LAMA5: variants seen among roughly 807,000 people sequenced by gnomAD.
LAMA5 encodes the protein laminin subunit alpha 5.
LAMA5 carries 260 observed loss-of-function variants against 433.4 expected under a neutral mutation model. That is an observed-to-expected ratio of 0.60 (90% CI 0.54 to 0.66). The LOEUF is 0.66. LAMA5 is among the 30% of genes least tolerant of loss of function. The pLI is 0.00. For synonymous variants in LAMA5, 2,620 were observed against 2,226.6 expected (o/e 1.18, Z -4.97); for missense variants, 5,378 against 5,258.5 (o/e 1.02, Z -0.70).
chr20:62,328,409 G>T lies in LAMA5; in HGVS notation c.4484C>A (p.Thr1495Lys). Residue 1495 changes from threonine to lysine, a missense_variant, in exon 35 of 80, where the codon ACG becomes AAG. By Grantham distance (78) the Thr-to-Lys change is moderately conservative (BLOSUM62 -1). Transcript: ENST00000252999. ...DCGARLCDEL[T>K]GQCICPPRTI... ...GCGTGGCGGGCAGATGCACTGGCCCGTGAGCTCGTCACAGAGGCGGGCACC... is the reference window on the plus strand; with the variant it reads ...GCGTGGCGGGCAGATGCACTGGCCCTTGAGCTCGTCACAGAGGCGGGCACC... The T allele has an allele frequency of 6.5e-7, 1 of 1,532,840 alleles. No homozygotes were observed. The highest frequency in any genetic ancestry group is 8.8e-7 in the Non-Finnish European group (1 of 1,135,502). The allele number at this position is 1,532,840 out of a possible 1,614,324, so 95.0% of individuals were successfully genotyped here.
Position 62,309,279 on chromosome 20 carries a change from A to G in LAMA5, c.*57T>C, listed in dbSNP as rs1305028919. ...AAATAGACACCTATGAGGCGAGCAC[A>G]AGGGGCGGTGTGAGGCAGCTGCAGG... On this transcript the variant is annotated 3_prime_UTR_variant, in exon 80 of 80. Coordinates refer to ENST00000252999, the MANE Select transcript of LAMA5 (RefSeq NM_005560.6). 5 of 1,557,206 alleles carry G rather than the reference A, an allele frequency of 3.2e-6. No homozygotes were observed. Among genetic ancestry groups the G allele is most frequent in the Non-Finnish European group, 4.3e-6 (5 of 1,153,392 alleles).
Position 62,309,846 on chromosome 20 carries a change from G to A in LAMA5, c.10829-11C>T, listed in dbSNP as rs928155129. 10 of 1,611,410 alleles carry A rather than the reference G, an allele frequency of 6.2e-6. No individual in the cohort carries two copies. Among genetic ancestry groups the A allele is most frequent in the Non-Finnish European group, 7.6e-6 (9 of 1,179,584 alleles). On this transcript the variant is annotated splice_polypyrimidine_tract_variant and intron_variant, in intron 78 of 79. Coordinates refer to ENST00000252999, the MANE Select transcript of LAMA5 (RefSeq NM_005560.6). ...TCCCGCTTTTCATCACTGGGAGAAA[G>A]GGGGACTCCTGAGGCCAGGTGGTCC...
chr20:62,309,432 GC>G lies in LAMA5; in HGVS notation c.10991del (p.Cys3664SerfsTer2). 1 of 1,584,736 alleles carries G rather than the reference GC, an allele frequency of 6.3e-7. No individual in the cohort carries two copies. The highest frequency in any genetic ancestry group is 8.5e-7 in the Non-Finnish European group (1 of 1,174,390). ...ACCGGTTCACCGCCAGCCTCCTCAT[GC>G]AGCCGCAGTAGGCGGGGGGCCAGGG... ...VQPWPPAYCG[C>X]MRRLAVNRSP... On this transcript the variant is annotated frameshift_variant, in exon 80 of 80. Transcript: ENST00000252999. LOFTEE classifies it low-confidence loss of function (END_TRUNC).
Position 62,309,823 on chromosome 20 carries a change from C to T in LAMA5, c.10841G>A (p.Gly3614Glu), listed in dbSNP as rs754840466. The T allele has an allele frequency of 1.2e-6, 2 of 1,611,624 alleles. No individual in the cohort carries two copies. The highest frequency in any genetic ancestry group is 1.7e-4 in the Middle Eastern group (1 of 6,044). The change falls in exon 79 of 80, where the codon GGG (glycine) becomes GAG (glutamate). Residue 3614 changes from glycine (G) to glutamate (E), a missense_variant. Gly to Glu is a moderately conservative substitution (Grantham distance 98, BLOSUM62 -2). Transcript: ENST00000252999. The part of the protein sequence containing the change: ...QWHRLAVMKS[G>E]NVLRLEVDAQ... ...GTCCACCTCCAGCCGGAGCACATTC[C>T]CGCTTTTCATCACTGGGAGAAAGGG...
Position 62,346,203 on chromosome 20 carries a change from T to G in LAMA5, c.1295A>C (p.Glu432Ala), listed in dbSNP as rs748779933. 4 of 1,611,864 alleles carry G rather than the reference T, an allele frequency of 2.5e-6. No individual in the cohort carries two copies. Among genetic ancestry groups the G allele is most frequent in the Non-Finnish European group, 3.4e-6 (4 of 1,179,546 alleles). ...SPHVCRRCNC[E>A]SDFTDGTCED... is the part of the protein sequence containing the mutation. Reference sequence around the variant, plus strand: ...GCAGGTGCCATCCGTGAAGTCGGACTCGCAGTTGCAGCCTGGGCAGGGGCA... The same window carrying G: ...GCAGGTGCCATCCGTGAAGTCGGACGCGCAGTTGCAGCCTGGGCAGGGGCA... Residue 432 changes from glutamate (E) to alanine (A), a missense_variant, in exon 10 of 80, where the codon GAG becomes GCG. Glu to Ala is a moderately radical substitution (Grantham distance 107, BLOSUM62 -1). Transcript: ENST00000252999.
Position 62,327,641 on chromosome 20 carries a change from T to G in LAMA5, c.4826A>C (p.Gln1609Pro), listed in dbSNP as rs1201508853. The change falls in exon 37 of 80, where the codon CAG becomes CCG. Residue 1609 changes from glutamine (Q) to proline (P), a missense_variant. By Grantham distance (76) the Gln-to-Pro change is moderately conservative (BLOSUM62 -1). Coordinates refer to ENST00000252999, the MANE Select transcript of LAMA5 (RefSeq NM_005560.6). ...CAGTGAGAAGGTCCCAAGGCTGCACTGGTCACATTTGGGGCCCTGCACGTT... is the reference window on the plus strand; with the variant it reads ...CAGTGAGAAGGTCCCAAGGCTGCACGGGTCACATTTGGGGCCCTGCACGTT... Reference protein sequence around the residue: ...KENVQGPKCDQCSLGTFSLDA... With the variant: ...KENVQGPKCDPCSLGTFSLDA... 3 of 1,613,156 alleles carry G rather than the reference T, an allele frequency of 1.9e-6. No homozygotes were observed. The highest frequency in any genetic ancestry group is 2.5e-6 in the Non-Finnish European group (3 of 1,179,970).
At position 62,310,067 on chromosome 20, in the gene LAMA5, C is replaced by T. The variant is rs368134645; in HGVS notation, c.10749G>A (p.Ala3583=). The part of the protein sequence containing the change: ...QVTEKQVLLR[A]DDGAGEFSTS... The stretch of plus-strand genomic sequence containing the variant: ...TGGAGAACTCCCCTGCTCCGTCATC[C>T]GCCCGCAGCAGGACCTGGCGGGGTA... Residue 3583 remains alanine (A), a synonymous_variant, in exon 78 of 80, where the codon GCG becomes GCA. Transcript: ENST00000252999. The T allele has an allele frequency of 2.3e-5, 37 of 1,611,216 alleles. No individual in the cohort carries two copies. Among genetic ancestry groups the T allele is most frequent in the South Asian group, 3.3e-5 (3 of 91,050 alleles).
intron 10 of LAMA5, 35 bp downstream of exon 10, chr20:62,346,046 T>G (rs756248533): frequency 6.2e-7 from 1 of 1,610,680 alleles, no homozygotes; most frequent in Non-Finnish European, 8.5e-7. Context: ...CAGCAGGCAG[T>G]GGTGTCTGTT....
At chr20:62,335,326 GC>G (rs947927475) in intron 18 of LAMA5, 57 bp from the exon 19 acceptor site, 5 of 1,581,950 alleles carry the variant, frequency 3.2e-6, no homozygotes, top group African/African-American at 1.4e-5. Flanking sequence ...CCTGGCTCCA[GC>G]CCCCCGAGGA....
At chr20:62,345,616 G>T in intron 11 of LAMA5, 1 of 658,996 alleles carries the variant, frequency 1.5e-6, no homozygotes, top group Non-Finnish European at 2.7e-6. Flanking sequence ...CATGTTGCCT[G>T]GGCTAACTTT....
intron 53 of LAMA5, 74 bp downstream of exon 53, chr20:62,318,380 A>AGGG (rs1695586346): frequency 9.5e-7 from 1 of 1,049,578 alleles, no homozygotes; most frequent in African/African-American, 2.0e-5. Context: ...GGAGGGGAGG[A>AGGG]GCCGGAGAGG....
chr20:62,331,847 T>C (rs973921117), intron 28 of LAMA5, among the ~76,000 whole-genome samples: 1 of 150,710 alleles, frequency 6.6e-6, no homozygotes, highest in Non-Finnish European at 1.5e-5. Flanking sequence ...AGGTCAGGAG[T>C]TTGAGAATAG....
At position 62,333,360 on chromosome 20, in the gene LAMA5, ACGCATGGCC is replaced by A. The variant is rs771055827; in HGVS notation, c.3128+6_3128+14del. 1.0e-5 allele frequency: 16 copies of A among 1,607,258 alleles called. No individual in the cohort carries two copies. The South Asian group carries it at 1.7e-4, about 17-fold the overall frequency. On this transcript the variant is annotated splice_donor_region_variant and intron_variant, in intron 25 of 79. Transcript: ENST00000252999. The stretch of plus-strand genomic sequence containing the variant: ...GAAGCCCCCACCCCGGTCCCACCGC[ACGCATGGCC>A]CTCACTTGTCGCCAGACTGCTGGGC...
chr20:62,312,951 C>T lies in LAMA5; in HGVS notation c.9015G>A (p.Gly3005=), dbSNP rs373378161. ...EGSLVLLYDF[G]AGLKKAVPLQ... ...GTGGGACGGCCTTTTTCAGGCCAGCCCCAAAGTCATACAACAGCACGAGGC... is the reference window on the plus strand; with the variant it reads ...GTGGGACGGCCTTTTTCAGGCCAGCTCCAAAGTCATACAACAGCACGAGGC... The change falls in exon 66 of 80, where the codon GGG becomes GGA. Residue 3005 remains glycine (G), a synonymous_variant. Coordinates refer to ENST00000252999, the MANE Select transcript of LAMA5 (RefSeq NM_005560.6). 25 of 1,583,074 alleles carry T rather than the reference C, an allele frequency of 1.6e-5. No individual in the cohort carries two copies. The highest frequency in any genetic ancestry group is 6.7e-5 in the East Asian group (3 of 44,552).
Position 62,367,139 on chromosome 20 carries a change from C to G in LAMA5, c.107G>C (p.Arg36Pro). The G allele has an allele frequency of 2.4e-6, 3 of 1,269,376 alleles. No homozygotes were observed. The highest frequency in any genetic ancestry group is 5.7e-5 in the South Asian group (2 of 35,136). The allele number at this position is 1,269,376 out of a possible 1,614,324, so 78.6% of individuals were successfully genotyped here. The change falls in exon 1 of 80, where the codon CGG (arginine) becomes CCG (proline). Residue 36 changes from arginine (R) to proline (P), a missense_variant. Arg to Pro is a moderately radical substitution (Grantham distance 103). Coordinates refer to ENST00000252999, the MANE Select transcript of LAMA5 (RefSeq NM_005560.6). Reference protein sequence around the residue: ...GLALLGAARAREEAGGGFSLH... With the variant: ...GLALLGAARAPEEAGGGFSLH... Reference sequence around the variant, plus strand: ...GCTGAAGCCGCCGCCCGCCTCCTCCCGCGCCCGCGCCGCGCCCAGCAGCGC... The same window carrying G: ...GCTGAAGCCGCCGCCCGCCTCCTCCGGCGCCCGCGCCGCGCCCAGCAGCGC...
At chr20:62,330,038 CGGGA>C in intron 31 of LAMA5, 122 bp from the exon 32 acceptor site, 1 of 1,375,128 alleles carries the variant, frequency 7.3e-7, no homozygotes, top group South Asian at 1.5e-5. Context: ...GCCACAGGCA[CGGGA>C]CGTGCCCAAG....
Position 62,328,936 on chromosome 20 carries a change from G to A in LAMA5, c.4355C>T (p.Pro1452Leu). 2 of 1,611,392 alleles carry A rather than the reference G, an allele frequency of 1.2e-6. No homozygotes were observed. Among genetic ancestry groups the A allele is most frequent in the South Asian group, 2.2e-5 (2 of 91,022 alleles). ...EVGATGPTCE[P>L]FGGQCPCHAH... ...ATGGCAGGGACACTGGCCCCCGAAG[G>A]GCTCACACGTGGGGCCTGTAGCACC... Residue 1452 changes from proline to leucine, a missense_variant, in exon 34 of 80, where the codon CCC (proline) becomes CTC (leucine). Pro to Leu is a moderately conservative substitution (Grantham distance 98). Coordinates refer to ENST00000252999, the MANE Select transcript of LAMA5 (RefSeq NM_005560.6).
At chr20:62,361,289 G>A (rs1465435720) in intron 2 of LAMA5, among the ~76,000 whole-genome samples, 5 of 152,128 alleles carry the variant, frequency 3.3e-5, no homozygotes, top group Non-Finnish European at 5.9e-5. Flanking sequence ...CAGGCAGGCA[G>A]GGAGCCCAGG....
At position 62,359,706 on chromosome 20, in the gene LAMA5, C is replaced by G. The variant is rs1985749208; in HGVS notation, c.450+2694G>C. ...GAGGCCCCACCCTTGGAGAGAGAAC[C>G]CCTCCACGGCTGGGCGCAGCGGGAC... is the stretch of plus-strand genomic sequence containing the variant. On this transcript the variant is annotated intron_variant, in intron 2 of 79. Coordinates refer to ENST00000252999, the MANE Select transcript of LAMA5 (RefSeq NM_005560.6). This position sits in a 1 kb window ranked among gnomAD's most constrained non-coding sequence, Gnocchi z 4.3. 6.6e-6 allele frequency among the ~76,000 whole-genome samples: 1 copy of G among 151,958 alleles called. No individual in the cohort carries two copies. The highest frequency in any genetic ancestry group is 2.4e-5 in the African/African-American group (1 of 41,356).
Sources: allele counts gnomAD v4.1 joint callset (sites outside exome capture counted in the v4.1 genomes callset), GRCh38; gene constraint gnomAD v4.1.1; non-coding constraint Gnocchi (gnomAD v3.1); transcripts MANE v1.5; gene names NCBI Gene and HGNC (gene_info 2026-07-23, HGNC 2026-07-21).